CD300LB: variants seen among roughly 807,000 people sequenced by gnomAD.
CD300LB encodes CMRF35-like molecule 7.
In CD300LB, 18 loss-of-function variants were observed where a neutral mutation model predicts 20.8. The observed-to-expected ratio is 0.87, with a 90% CI of 0.60 to 1.28. The LOEUF (loss-of-function observed/expected upper bound fraction) is 1.28. CD300LB is among the 50% of genes most tolerant of loss of function. CD300LB has a pLI of 0.00. For missense variants in CD300LB, 222 were observed against 251.8 expected (o/e 0.88, Z 0.80); for synonymous variants, 91 against 91.3 (o/e 1.00, Z 0.02).
rs1907878903 is a variant in CD300LB, at chr17:74,521,535, A to G, written c.*1203T>C. On this transcript the variant is annotated 3_prime_UTR_variant, in exon 4 of 4. Coordinates refer to ENST00000392621, the MANE Select transcript of CD300LB (RefSeq NM_174892.4). The stretch of plus-strand genomic sequence containing the variant: ...CTAAATTCAGTTCAAAGTCAGAGAA[A>G]GTTTCTCTTTGGCTGAAGGACAAGA... 4 of 985,338 alleles carry G rather than the reference A, an allele frequency of 4.1e-6. No homozygotes were observed. Among genetic ancestry groups the G allele is most frequent in the Non-Finnish European group, 4.8e-6 (4 of 829,952 alleles). 61.0% of individuals were successfully genotyped at this position (985,338 alleles called of 1,614,324 possible).
At chr17:74,523,081 G>T in intron 3 of CD300LB, 181 bp from the exon 4 acceptor site, 1 of 607,904 alleles carries the variant, frequency 1.6e-6, no homozygotes, top group Non-Finnish European at 2.9e-6. Flanking sequence ...AGTCACCTTG[G>T]CTGGTTTTGC....
rs1375577463 is a variant in CD300LB, at chr17:74,521,901, G to A, written c.*837C>T. On this transcript the variant is annotated 3_prime_UTR_variant, in exon 4 of 4. Transcript: ENST00000392621. Reference sequence around the variant, plus strand: ...TTAGTAACATGATTTCAACATCACCGAAAAGGGAGGGTGCCATTTCCTGCG... The same window carrying A: ...TTAGTAACATGATTTCAACATCACCAAAAAGGGAGGGTGCCATTTCCTGCG... 10 of 985,322 alleles carry A rather than the reference G, an allele frequency of 1.0e-5. No individual in the cohort carries two copies. Among genetic ancestry groups the A allele is most frequent in the African/African-American group, 1.7e-5 (1 of 57,244 alleles). The allele number at this position is 985,322 out of a possible 1,614,324, so 61.0% of individuals were successfully genotyped here.
chr17:74,529,169 G>C (rs574736067), intron 1 of CD300LB, among the ~76,000 whole-genome samples: 45 of 152,152 alleles, frequency 3.0e-4, no homozygotes, highest in African/African-American at 1.1e-3. Context: ...AAGAAGACTT[G>C]GATGTATGTC....
At chr17:74,527,597 T>C (rs1353153794) in intron 1 of CD300LB, among the ~76,000 whole-genome samples, 1 of 152,236 alleles carries the variant, frequency 6.6e-6, no homozygotes, top group East Asian at 1.9e-4. Context: ...GCCGATGTGA[T>C]GAAGTTAAGG....
rs749263454 is a variant in CD300LB, at chr17:74,525,771, T to A, written c.347A>T (p.Gln116Leu). The stretch of plus-strand genomic sequence containing the variant: ...ACCTGGGTCAACGATCACTTTCACT[T>A]GAGTCCCAAGGTCAGGTCCTCTTCT... The part of the protein sequence containing the change: ...IERRGPDLGT[Q>L]VKVIVDPEGA... The change falls in exon 2 of 4, where the codon CAA (glutamine) becomes CTA (leucine). Residue 116 changes from glutamine (Q) to leucine (L), a missense_variant. Coordinates refer to ENST00000392621, the MANE Select transcript of CD300LB (RefSeq NM_174892.4). The A allele has an allele frequency of 6.2e-7, 1 of 1,614,022 alleles. No individual in the cohort carries two copies. Among genetic ancestry groups the A allele is most frequent in the Admixed American group, 1.7e-5 (1 of 60,018 alleles).
At position 74,522,417 on chromosome 17, in the gene CD300LB, G is replaced by C. The variant is rs1207560482; in HGVS notation, c.*321C>G. ...GGGGGGTCTCCCCCAACCTCTTTCT[G>C]TACTTTGGTCCCATGCTCTGTGCCC... On this transcript the variant is annotated 3_prime_UTR_variant, in exon 4 of 4. Transcript: ENST00000392621. The C allele has an allele frequency of 1.9e-6, 2 of 1,056,358 alleles. No individual in the cohort carries two copies. Among genetic ancestry groups the C allele is most frequent in the Non-Finnish European group, 2.3e-6 (2 of 874,938 alleles). 65.4% of individuals were successfully genotyped at this position (1,056,358 alleles called of 1,614,324 possible).
chr17:74,528,837 T>G (rs770364703), intron 1 of CD300LB, among the ~76,000 whole-genome samples: 2 of 152,190 alleles, frequency 1.3e-5, no homozygotes, highest in Non-Finnish European at 2.9e-5. Context: ...GTAATAGGAC[T>G]TGGATGTGTG....
At chr17:74,531,205 CTTCACAAAGCCACCTCTCAT>C in intron 1 of CD300LB, 86 bp downstream of exon 1, 1 of 1,346,442 alleles carries the variant, frequency 7.4e-7, no homozygotes, top group African/African-American at 1.5e-5. Flanking sequence ...TGTCGAATGA[CTTCACAAAGCCACCTCTCAT>C]TTCCCTGGAT....
At chr17:74,530,987 T>C (rs1407676467) in intron 1 of CD300LB, among the ~76,000 whole-genome samples, 3 of 152,146 alleles carry the variant, frequency 2.0e-5, no homozygotes, top group Non-Finnish European at 2.9e-5. Context: ...TCATTTTATA[T>C]AGAGACGAGG....
At chr17:74,526,725 AG>A (rs1001280724) in intron 1 of CD300LB, among the ~76,000 whole-genome samples, 2 of 152,290 alleles carry the variant, frequency 1.3e-5, no homozygotes, top group East Asian at 3.9e-4. Flanking sequence ...AAAAAGAAAA[AG>A]AAAAAAAATC....
rs572608153 is a variant in CD300LB, at chr17:74,521,306, C to G, written c.*1432G>C. 2.1e-6 allele frequency: 2 copies of G among 975,372 alleles called. No homozygotes were observed. The allele number at this position is 975,372 out of a possible 1,614,324, so 60.4% of individuals were successfully genotyped here. Reference sequence around the variant, plus strand: ...GTGAAGCACCATGCTTTGGCTTTCCCTCCCGCGGAGCGGTGCCGTCCTCCC... The same window carrying G: ...GTGAAGCACCATGCTTTGGCTTTCCGTCCCGCGGAGCGGTGCCGTCCTCCC... On this transcript the variant is annotated 3_prime_UTR_variant, in exon 4 of 4. Transcript: ENST00000392621.
At chr17:74,523,034 A>G (rs1257246231) in intron 3 of CD300LB, 134 bp from the exon 4 acceptor site, 7 of 812,096 alleles carry the variant, frequency 8.6e-6, no homozygotes, top group Non-Finnish European at 1.1e-5. Flanking sequence ...ATTCCTGTAA[A>G]CCTCCTCCTT....
rs535045612 is a variant in CD300LB, at chr17:74,522,316, A to T, written c.*422T>A. 1.1e-5 allele frequency: 11 copies of T among 988,684 alleles called. No individual in the cohort carries two copies. The highest frequency in any genetic ancestry group is 2.2e-4 in the East Asian group (2 of 8,902). 61.2% of individuals were successfully genotyped at this position (988,684 alleles called of 1,614,324 possible). Reference sequence around the variant, plus strand: ...AACTTTGCTAGAAAAAAAAAAATTTAAAAACACGGATATATCAGGTTCTCA... The same window carrying T: ...AACTTTGCTAGAAAAAAAAAAATTTTAAAACACGGATATATCAGGTTCTCA... On this transcript the variant is annotated 3_prime_UTR_variant, in exon 4 of 4. Transcript: ENST00000392621.
At chr17:74,526,996 C>G (rs1235663501) in intron 1 of CD300LB, among the ~76,000 whole-genome samples, 4 of 152,220 alleles carry the variant, frequency 2.6e-5, no homozygotes, top group Non-Finnish European at 5.9e-5. Context: ...ATTCCCAAAT[C>G]CATATTTGCA....
At chr17:74,527,107 C>A (rs1908058903) in intron 1 of CD300LB, among the ~76,000 whole-genome samples, 1 of 152,242 alleles carries the variant, frequency 6.6e-6, no homozygotes, top group Non-Finnish European at 1.5e-5. Flanking sequence ...CCTCTCCCAC[C>A]CTGAACTACT....
chr17:74,524,052 A>C (rs1269021483), intron 2 of CD300LB, among the ~76,000 whole-genome samples: 1 of 152,234 alleles, frequency 6.6e-6, no homozygotes, highest in Non-Finnish European at 1.5e-5. Flanking sequence ...TGGGCTGTCC[A>C]GAAATTGGGG....
At position 74,522,025 on chromosome 17, in the gene CD300LB, C is replaced by T; in HGVS notation, c.*713G>A. ...CAAGCTGTCATGCTGAGGAGGCTCC[C>T]AAGCTGCAGCCCCTCGGAGGTGGGG... is the stretch of plus-strand genomic sequence containing the variant. On this transcript the variant is annotated 3_prime_UTR_variant, in exon 4 of 4. Transcript: ENST00000392621. 2.0e-6 allele frequency: 2 copies of T among 985,422 alleles called. No individual in the cohort carries two copies. The highest frequency in any genetic ancestry group is 2.4e-6 in the Non-Finnish European group (2 of 829,936). 61.0% of individuals were successfully genotyped at this position (985,422 alleles called of 1,614,324 possible). A position where few individuals can be genotyped will look rare whatever the true frequency, so the allele number is the denominator to read the frequency against.
At chr17:74,525,569 T>A (rs1278833469) in intron 2 of CD300LB, among the ~76,000 whole-genome samples, 179 bp downstream of exon 2, 1 of 152,022 alleles carries the variant, frequency 6.6e-6, no homozygotes, top group Non-Finnish European at 1.5e-5. Context: ...CCACTCTCCC[T>A]TAGTTTCTGT....
At chr17:74,525,627 C>G (rs200008692) in intron 2 of CD300LB, 121 bp downstream of exon 2, 4 of 841,644 alleles carry the variant, frequency 4.8e-6, no homozygotes, top group Non-Finnish European at 7.5e-6. Context: ...GTCTGTCTCT[C>G]TCTCTCTCTC....
Sources: gnomAD v4.1 joint callset for allele counts (sites outside exome capture counted in the v4.1 genomes callset) on GRCh38, gnomAD v4.1.1 for gene constraint, MANE v1.5 for transcripts, NCBI Gene and HGNC (gene_info 2026-07-23, HGNC 2026-07-21) for gene names.